The following TAFA1 variants were observed in gnomAD, a reference collection of about 807,000 sequenced individuals.
TAFA1 encodes the protein TAFA chemokine like family member 1.
Under a neutral mutation model 18.5 loss-of-function variants are expected in TAFA1, and 4 were observed. That is an observed-to-expected ratio of 0.22 (90% CI 0.11 to 0.49). The LOEUF is 0.49. Among genes scored for constraint, TAFA1 ranks in the 20% least tolerant of loss-of-function variants. The probability of loss-of-function intolerance (pLI) is 0.98; values close to 1 mark genes in which losing one functional copy is unlikely to be tolerated. For missense variants in TAFA1, 147 were observed against 169.0 expected, an observed-to-expected ratio of 0.87 and a Z score of 0.72; for synonymous variants, 56 against 55.2, an observed-to-expected ratio of 1.01 and a Z score of -0.06.
intron 2 of TAFA1, among the ~76,000 whole-genome samples, chr3:68,407,023 G>A (rs1302550608): frequency 6.6e-6 from 1 of 152,084 alleles, no homozygotes; most frequent in Non-Finnish European, 1.5e-5. Flanking sequence ...AGTTGATTAT[G>A]GTATTACCTT....
At chr3:68,464,538 C>T (rs2071848806) in intron 3 of TAFA1, among the ~76,000 whole-genome samples, 1 of 152,106 alleles carries the variant, frequency 6.6e-6, no homozygotes, top group Non-Finnish European at 1.5e-5. Context: ...GAAGCCCCTT[C>T]TGGTTGGAGC....
chr3:68,385,838 T>C (rs2070091474), intron 2 of TAFA1, among the ~76,000 whole-genome samples: 1 of 152,120 alleles, frequency 6.6e-6, no homozygotes, highest in Non-Finnish European at 1.5e-5. Context: ...ATGAGGTATA[T>C]AGTGATGTTT....
chr3:68,316,579 A>G (rs909718719), intron 2 of TAFA1, among the ~76,000 whole-genome samples: 6 of 152,140 alleles, frequency 3.9e-5, no homozygotes, highest in African/African-American at 1.4e-4. Context: ...TAATGGGTCC[A>G]GAAAACATAA....
intron 2 of TAFA1, among the ~76,000 whole-genome samples, chr3:68,314,375 A>T (rs974332524): frequency 2.0e-5 from 3 of 152,202 alleles, no homozygotes; most frequent in Non-Finnish European, 4.4e-5. Context: ...CCACTTTGCT[A>T]CAGAGTTACA....
chr3:68,516,345 T>C (rs1021972275), intron 3 of TAFA1, among the ~76,000 whole-genome samples: 6 of 152,224 alleles, frequency 3.9e-5, no homozygotes, highest in African/African-American at 1.2e-4. Flanking sequence ...ACTAGATTGA[T>C]GACTTCTCAG....
intron 3 of TAFA1, among the ~76,000 whole-genome samples, chr3:68,440,718 T>A (rs745424415): frequency 1.3e-5 from 2 of 152,158 alleles, no homozygotes; most frequent in African/African-American, 2.4e-5. Flanking sequence ...CCCATTGACC[T>A]TAGTCACAGG....
chr3:68,311,980 G>T (rs1326964152), intron 2 of TAFA1, among the ~76,000 whole-genome samples: 1 of 152,226 alleles, frequency 6.6e-6, no homozygotes, highest in East Asian at 1.9e-4. Context: ...GTAGATGGAG[G>T]TTCCCAAACC....
At chr3:68,270,328 C>A (rs1389855716) in intron 2 of TAFA1, among the ~76,000 whole-genome samples, 1 of 152,046 alleles carries the variant, frequency 6.6e-6, no homozygotes, top group African/African-American at 2.4e-5. Flanking sequence ...TAAATGATAG[C>A]TTCTAATATT....
intron 3 of TAFA1, among the ~76,000 whole-genome samples, chr3:68,434,311 C>G (rs553315873): frequency 6.6e-6 from 1 of 152,080 alleles, no homozygotes; most frequent in South Asian, 2.1e-4. Flanking sequence ...ACAATTTCCT[C>G]TGTACTTCTT....
At chr3:68,447,810 A>C (rs913700382) in intron 3 of TAFA1, among the ~76,000 whole-genome samples, 2 of 152,230 alleles carry the variant, frequency 1.3e-5, no homozygotes, top group African/African-American at 2.4e-5. Context: ...TGTTCTGCCT[A>C]GGAAAGCTAT....
intron 3 of TAFA1, among the ~76,000 whole-genome samples, chr3:68,462,915 A>G (rs1315471126): frequency 6.6e-6 from 1 of 152,194 alleles, no homozygotes; most frequent in Non-Finnish European, 1.5e-5. Context: ...TGATATGTTT[A>G]CCATTTAGTG....
chr3:68,258,898 A>G (rs1289717258), intron 2 of TAFA1, among the ~76,000 whole-genome samples: 2 of 152,178 alleles, frequency 1.3e-5, no homozygotes, highest in African/African-American at 4.8e-5. Flanking sequence ...TCAAGTCGCT[A>G]CAGATCTCAC....
intron 2 of TAFA1, among the ~76,000 whole-genome samples, chr3:68,080,307 AT>A (rs1363293439): frequency 2.0e-5 from 3 of 151,984 alleles, no homozygotes; most frequent in African/African-American, 4.8e-5. Flanking sequence ...CATTTAGTCC[AT>A]TTACATTTCA....
intron 2 of TAFA1, among the ~76,000 whole-genome samples, chr3:68,231,762 A>T (rs2066875115): frequency 6.6e-6 from 1 of 152,224 alleles, no homozygotes; most frequent in Non-Finnish European, 1.5e-5. Flanking sequence ...ATAAATTTAC[A>T]GAGGGTGCAG....
intron 2 of TAFA1, among the ~76,000 whole-genome samples, chr3:68,290,399 T>C (rs1315149323): frequency 2.0e-5 from 3 of 152,160 alleles, no homozygotes; most frequent in Non-Finnish European, 2.9e-5. Context: ...ATCTGTCTAT[T>C]TCTGTAATTT....
At chr3:68,370,321 AATATATATATATATAT>A (rs1329816013) in intron 2 of TAFA1, among the ~76,000 whole-genome samples, 2 of 18,084 alleles carry the variant, frequency 1.1e-4, no homozygotes, top group African/African-American at 4.7e-4. Context: ...AAAAAAAAAA[AATATATATATATATAT>A]ATATATATAT....
intron 2 of TAFA1, among the ~76,000 whole-genome samples, chr3:68,014,862 A>G (rs1342588528): frequency 6.6e-6 from 1 of 152,154 alleles, no homozygotes; most frequent in East Asian, 1.9e-4. Flanking sequence ...AAATCTAAAA[A>G]TTGATGTGTA....
intron 4 of TAFA1, among the ~76,000 whole-genome samples, chr3:68,540,935 T>C (rs970027667): frequency 1.3e-5 from 2 of 152,214 alleles, no homozygotes; most frequent in African/African-American, 4.8e-5. Flanking sequence ...AGGAGTATTG[T>C]GCAGGATCTG....
At chr3:68,234,426 G>A (rs2066904775) in intron 2 of TAFA1, among the ~76,000 whole-genome samples, 1 of 152,170 alleles carries the variant, frequency 6.6e-6, no homozygotes, top group Admixed American at 6.5e-5. Context: ...ACCTTCATAT[G>A]TTGAGTATCT....
Sources: gnomAD v4.1 joint callset for allele counts (sites outside exome capture counted in the v4.1 genomes callset) on GRCh38, gnomAD v4.1.1 for gene constraint, MANE v1.5 for transcripts, NCBI Gene and HGNC (gene_info 2026-07-23, HGNC 2026-07-21) for gene names.